The following UGGT2 variants were observed in gnomAD, a reference collection of about 807,000 sequenced individuals.
UGGT2 encodes UDP-glucose:glycoprotein glucosyltransferase 2.
Under a neutral mutation model 192.1 loss-of-function variants are expected in UGGT2, and 180 were observed. The ratio of observed to expected loss-of-function variants is 0.94; its 90% confidence interval spans 0.83 to 1.06. The LOEUF is 1.06. Ranked by LOEUF, UGGT2 falls within the 50% of genes least tolerant of loss-of-function variation. The pLI is 0.00. For missense variants in UGGT2, 1,849 were observed against 1,795.7 expected (o/e 1.03, Z -0.54); for synonymous variants, 580 against 591.0 (o/e 0.98, Z 0.27).
intron 17 of UGGT2, among the ~76,000 whole-genome samples, chr13:95,933,618 G>A (rs922755360): frequency 2.0e-5 from 3 of 151,876 alleles, no homozygotes; most frequent in Admixed American, 2.0e-4. Flanking sequence ...GTTCATTCTT[G>A]TTTTTCCTAA....
chr13:95,995,331 T>C (rs1211620092), intron 7 of UGGT2: 3 of 152,006 alleles, frequency 2.0e-5, no homozygotes, highest in Admixed American at 6.6e-5. Context: ...AATTATAAAA[T>C]TGGTTCAATC....
Position 95,965,070 on chromosome 13 carries a change from T to A in UGGT2, c.1335+5042A>T, listed in dbSNP as rs1334065812. ...CATCTCACACCAGTTAGAATGGCGATCATTAAAAAGTCAGGAAACAACAGG... is the reference window on the plus strand; with the variant it reads ...CATCTCACACCAGTTAGAATGGCGAACATTAAAAAGTCAGGAAACAACAGG... On this transcript the variant is annotated intron_variant, in intron 12 of 38. Coordinates refer to ENST00000376747, the MANE Select transcript of UGGT2 (RefSeq NM_020121.4). 4.0e-5 allele frequency among the ~76,000 whole-genome samples: 6 copies of A among 150,568 alleles called. 1 individual carries two copies. In the South Asian group the frequency reaches 1.1e-3, roughly 27 times the overall value.
intron 6 of UGGT2, 76 bp from the exon 7 acceptor site, chr13:95,996,211 G>T: frequency 7.2e-7 from 1 of 1,380,876 alleles, no homozygotes; most frequent in Non-Finnish European, 1.0e-6. Context: ...TCAAAAATTA[G>T]AAGAACTTGG....
chr13:95,947,313 CAA>C, intron 14 of UGGT2, 141 bp from the exon 15 acceptor site: 1 of 879,170 alleles, frequency 1.1e-6, no homozygotes, highest in Non-Finnish European at 1.6e-6. Flanking sequence ...TTTATCACTT[CAA>C]AAGTTTGAAT....
rs889251219 is a variant in UGGT2 at position 95,981,830 on chromosome 13, T to C, written c.1092+1974A>G. On this transcript the variant is annotated intron_variant, in intron 10 of 38. Coordinates refer to ENST00000376747, the MANE Select transcript of UGGT2 (RefSeq NM_020121.4). ...TCACAACCACCCTCTTCCCCAAGGT[T>C]GGAACTTCAGTTTCTTTAATTACTT... Among the ~76,000 whole-genome samples, 11 of 152,310 alleles carry C rather than the reference T, an allele frequency of 7.2e-5. No homozygotes were observed. In the East Asian group the frequency reaches 1.4e-3, roughly 19 times the overall value.
chr13:96,006,021 TAAC>T (rs1312252209), intron 5 of UGGT2, among the ~76,000 whole-genome samples: 4 of 152,088 alleles, frequency 2.6e-5, no homozygotes, highest in East Asian at 3.9e-4. Context: ...GAGCTTTTAA[TAAC>T]AACGAAAATC....
At chr13:95,999,496 A>G (rs527363334) in intron 5 of UGGT2, among the ~76,000 whole-genome samples, 189 bp from the exon 6 acceptor site, 10 of 152,300 alleles carry the variant, frequency 6.6e-5, no homozygotes, top group African/African-American at 1.7e-4. Flanking sequence ...TTGGTTAATG[A>G]CTACTCTGTA....
rs1490533598 is a variant in UGGT2 at position 96,053,342 on chromosome 13, G to A, written c.-30C>T. ...CGGAGAGAAAAGCGCGAGTCCCTCG[G>A]ACCCGGTACCCACAGTCTGTGGCCG... On this transcript the variant is annotated 5_prime_UTR_variant, in exon 1 of 39. Coordinates refer to ENST00000376747, the MANE Select transcript of UGGT2 (RefSeq NM_020121.4). The A allele has an allele frequency of 1.9e-6, 3 of 1,573,178 alleles. No homozygotes were observed. The highest frequency in any genetic ancestry group is 2.6e-6 in the Non-Finnish European group (3 of 1,169,628).
chr13:95,918,796 C>G (rs2048756882), intron 20 of UGGT2, among the ~76,000 whole-genome samples: 1 of 152,132 alleles, frequency 6.6e-6, no homozygotes, highest in South Asian at 2.1e-4. Context: ...ACCAGAGGTA[C>G]AATGAAGAGC....
chr13:95,831,559 T>C (rs80053826), intron 38 of UGGT2, among the ~76,000 whole-genome samples: 667 of 152,266 alleles, frequency 4.4e-3, no homozygotes, highest in Middle Eastern at 0.014. Context: ...TTGTTAAAAA[T>C]AATGCTATAA....
At chr13:95,923,777 T>A (rs79249029) in intron 20 of UGGT2, among the ~76,000 whole-genome samples, 22 of 152,282 alleles carry the variant, frequency 1.4e-4, no homozygotes, top group African/African-American at 5.1e-4. Flanking sequence ...ATAATTTTGA[T>A]AAAACTGTAA....
chr13:95,965,615 ATAGCATTAGG>A, intron 12 of UGGT2, among the ~76,000 whole-genome samples: 1 of 145,922 alleles, frequency 6.9e-6, no homozygotes, highest in East Asian at 2.2e-4. Flanking sequence ...GGGGGGAGGA[ATAGCATTAGG>A]TGATATACCT....
At chr13:95,843,463 T>C (rs1198988973) in intron 36 of UGGT2, among the ~76,000 whole-genome samples, 1 of 152,176 alleles carries the variant, frequency 6.6e-6, no homozygotes, top group Non-Finnish European at 1.5e-5. Context: ...TATTTTATTA[T>C]TAATAAGTTT....
chr13:95,967,462 C>A (rs2050621011), intron 12 of UGGT2, among the ~76,000 whole-genome samples: 2 of 131,388 alleles, frequency 1.5e-5, no homozygotes, highest in Admixed American at 8.6e-5. Flanking sequence ...CCCACGCGCA[C>A]CCCCAACTTT....
intron 5 of UGGT2, among the ~76,000 whole-genome samples, chr13:96,012,635 T>C (rs989462712): frequency 2.1e-4 from 32 of 152,080 alleles, no homozygotes; most frequent in African/African-American, 7.7e-4. Flanking sequence ...TAAATATTAG[T>C]ATATAAATCT....
intron 38 of UGGT2, among the ~76,000 whole-genome samples, chr13:95,816,618 T>C (rs968147579): frequency 6.6e-6 from 1 of 152,242 alleles, no homozygotes; most frequent in African/African-American, 2.4e-5. Flanking sequence ...GTTTCAATTT[T>C]GTGAATTCAA....
chr13:95,965,684 T>C (rs1374505728), intron 12 of UGGT2, among the ~76,000 whole-genome samples: 1 of 151,852 alleles, frequency 6.6e-6, no homozygotes, highest in East Asian at 1.9e-4. Context: ...ATGGCACATG[T>C]ATACATATGT....
intron 7 of UGGT2, among the ~76,000 whole-genome samples, chr13:95,993,364 C>T (rs72636587): frequency 0.17 from 25,503 of 151,918 alleles, 2,661 homozygotes; most frequent in East Asian, 0.28. Flanking sequence ...AACAAACCTG[C>T]ACGTGTATGC....
At chr13:95,869,978 A>G (rs1891080066) in intron 29 of UGGT2, among the ~76,000 whole-genome samples, 1 of 152,232 alleles carries the variant, frequency 6.6e-6, no homozygotes, top group South Asian at 2.1e-4. Context: ...ATTTTCAGAG[A>G]AGAAATGTAA....
Sources: gnomAD v4.1 joint callset for allele counts (sites outside exome capture counted in the v4.1 genomes callset) on GRCh38, gnomAD v4.1.1 for gene constraint, MANE v1.5 for transcripts, NCBI Gene and HGNC (gene_info 2026-07-23, HGNC 2026-07-21) for gene names.